The following EPHA3 variants were observed in gnomAD, a reference collection of about 807,000 sequenced individuals.
The protein encoded by EPHA3 is EPH receptor A3.
In EPHA3, 42 loss-of-function variants were observed where a neutral mutation model predicts 107.1. The ratio of observed to expected loss-of-function variants is 0.39; its 90% CI spans 0.31 to 0.51. The LOEUF (loss-of-function observed/expected upper bound fraction) is 0.51. Among genes scored for constraint, EPHA3 ranks in the 20% least tolerant of loss-of-function variants. The pLI, the probability that EPHA3 is intolerant of heterozygous loss-of-function variation, is 0.78. For synonymous variants in EPHA3, 461 were observed against 424.8 expected (o/e 1.09, Z -1.05); for missense variants, 1,183 against 1,211.2 (o/e 0.98, Z 0.35).
At chr3:89,136,504 A>T (rs1199661965) in intron 2 of EPHA3, among the ~76,000 whole-genome samples, 1 of 150,918 alleles carries the variant, frequency 6.6e-6, no homozygotes, top group African/African-American at 2.4e-5. Flanking sequence ...AATAGAAGTG[A>T]TTTTTCTGTT....
intron 3 of EPHA3, among the ~76,000 whole-genome samples, chr3:89,313,689 T>C (rs1390401983): frequency 6.6e-6 from 1 of 151,902 alleles, no homozygotes; most frequent in East Asian, 1.9e-4. Context: ...AAGCCAAATA[T>C]ACAGTCTTAT....
intron 2 of EPHA3, among the ~76,000 whole-genome samples, chr3:89,208,224 G>A (rs545934651): frequency 6.6e-6 from 1 of 151,728 alleles, no homozygotes; most frequent in African/African-American, 2.4e-5. Flanking sequence ...ATCAAAATTA[G>A]CCAGTTGTGG....
At chr3:89,165,482 A>T (rs1466524958) in intron 2 of EPHA3, among the ~76,000 whole-genome samples, 1 of 152,196 alleles carries the variant, frequency 6.6e-6, no homozygotes, top group Non-Finnish European at 1.5e-5. Context: ...CATAGAACAG[A>T]CCATCTCTTA....
chr3:89,266,544 G>A (rs1017991456), intron 3 of EPHA3, among the ~76,000 whole-genome samples: 1 of 151,962 alleles, frequency 6.6e-6, no homozygotes, highest in African/African-American at 2.4e-5. Context: ...AAAGTCTTCT[G>A]ATTTTTTTAA....
At chr3:89,365,577 T>C (rs1708170994) in intron 5 of EPHA3, among the ~76,000 whole-genome samples, 1 of 150,750 alleles carries the variant, frequency 6.6e-6, no homozygotes, top group Non-Finnish European at 1.5e-5. Context: ...CTAATGTTGC[T>C]GCACCATTGC....
At chr3:89,162,337 T>C (rs1316448344) in intron 2 of EPHA3, among the ~76,000 whole-genome samples, 2 of 152,156 alleles carry the variant, frequency 1.3e-5, no homozygotes, top group Admixed American at 1.3e-4. Context: ...TAAAGTACCT[T>C]ATTAATTAAT....
intron 5 of EPHA3, among the ~76,000 whole-genome samples, chr3:89,361,515 A>T (rs905753902): frequency 6.6e-6 from 1 of 151,096 alleles, no homozygotes; most frequent in Non-Finnish European, 1.5e-5. Context: ...GATACCTAGA[A>T]CATACTTGCA....
intron 15 of EPHA3, among the ~76,000 whole-genome samples, chr3:89,460,872 T>A: frequency 7.6e-6 from 1 of 131,776 alleles, no homozygotes; most frequent in Non-Finnish European, 1.6e-5. Context: ...CATGTGCACA[T>A]TGTGCAGGTT....
At chr3:89,135,091 G>A (rs549620791) in intron 2 of EPHA3, among the ~76,000 whole-genome samples, 49 of 152,246 alleles carry the variant, frequency 3.2e-4, no homozygotes, top group Non-Finnish European at 6.8e-4. Context: ...AATTTGGTAT[G>A]CAGTTTATTT....
At chr3:89,154,872 A>G (rs947760602) in intron 2 of EPHA3, among the ~76,000 whole-genome samples, 6 of 148,076 alleles carry the variant, frequency 4.1e-5, no homozygotes, top group African/African-American at 1.5e-4. Flanking sequence ...ATCTAAGAAC[A>G]TATATATATA....
chr3:89,414,451 C>T, intron 10 of EPHA3, among the ~76,000 whole-genome samples: 1 of 151,574 alleles, frequency 6.6e-6, no homozygotes, highest in African/African-American at 2.4e-5. Context: ...GATCCAGTGC[C>T]AAAACAGATA....
intron 2 of EPHA3, among the ~76,000 whole-genome samples, chr3:89,166,376 C>T (rs1705065809): frequency 6.6e-6 from 1 of 152,178 alleles, no homozygotes; most frequent in Non-Finnish European, 1.5e-5. Context: ...TCACTCTACA[C>T]ATTTTTGCTT....
intron 3 of EPHA3, among the ~76,000 whole-genome samples, chr3:89,339,112 C>T (rs1247576917): frequency 6.6e-6 from 1 of 152,080 alleles, no homozygotes; most frequent in East Asian, 1.9e-4. Context: ...GTGACTCACG[C>T]CTGTAATCCC....
intron 2 of EPHA3, among the ~76,000 whole-genome samples, chr3:89,197,701 C>T (rs1705870621): frequency 6.6e-6 from 1 of 152,054 alleles, no homozygotes; most frequent in South Asian, 2.1e-4. Context: ...TGTGGCTGGG[C>T]ACAGTGGCTC....
intron 1 of EPHA3, among the ~76,000 whole-genome samples, chr3:89,126,904 G>T (rs1473336077): frequency 6.6e-6 from 1 of 151,514 alleles, no homozygotes; most frequent in Non-Finnish European, 1.5e-5. Flanking sequence ...TTTCTATTAT[G>T]CATTTTTATT....
intron 3 of EPHA3, among the ~76,000 whole-genome samples, chr3:89,292,491 C>A (rs1706235839): frequency 6.6e-6 from 1 of 152,186 alleles, no homozygotes; most frequent in East Asian, 1.9e-4. Flanking sequence ...TTGCGGATGA[C>A]TATAATTTAG....
intron 3 of EPHA3, among the ~76,000 whole-genome samples, chr3:89,316,734 C>T (rs765435587): frequency 1.3e-5 from 2 of 150,952 alleles, no homozygotes; most frequent in African/African-American, 2.4e-5. Context: ...TGGAGAGTTA[C>T]CTTATGTTAA....
chr3:89,169,331 G>A (rs931471097), intron 2 of EPHA3, among the ~76,000 whole-genome samples: 3 of 151,914 alleles, frequency 2.0e-5, no homozygotes, highest in Non-Finnish European at 2.9e-5. Flanking sequence ...TTTTCAGACC[G>A]AAATTATAAA....
intron 5 of EPHA3, among the ~76,000 whole-genome samples, chr3:89,387,937 G>A (rs1708655155): frequency 6.6e-6 from 1 of 151,930 alleles, no homozygotes; most frequent in African/African-American, 2.4e-5. Context: ...TGGAGTTTTA[G>A]TCTTTAGAAA....
Sources: gnomAD v4.1 joint callset for allele counts (sites outside exome capture counted in the v4.1 genomes callset) on GRCh38, gnomAD v4.1.1 for gene constraint, MANE v1.5 for transcripts, NCBI Gene and HGNC (gene_info 2026-07-23, HGNC 2026-07-21) for gene names.